ARHGEF3: variants seen among roughly 807,000 people sequenced by gnomAD.
The protein encoded by ARHGEF3 is Rho guanine nucleotide exchange factor 3, also known as 59.8 kDA protein.
Under a neutral mutation model 63.2 loss-of-function variants are expected in ARHGEF3, and 28 were observed. The ratio of observed to expected loss-of-function variants is 0.44; its 90% CI spans 0.33 to 0.61. The LOEUF (loss-of-function observed/expected upper bound fraction) is 0.61, where lower values mean the gene tolerates loss of function less well. ARHGEF3 is among the 20% of genes least tolerant of loss of function. The pLI, the probability that ARHGEF3 is intolerant of heterozygous loss-of-function variation, is 0.03. For synonymous variants in ARHGEF3, 266 were observed against 254.2 expected, an observed-to-expected ratio of 1.05 and a Z score of -0.44; for missense variants, 533 against 659.3, an observed-to-expected ratio of 0.81 and a Z score of 2.10.
chr3:56,815,540 T>C (rs995961829), intron 4 of ARHGEF3, among the ~76,000 whole-genome samples: 1 of 152,168 alleles, frequency 6.6e-6, no homozygotes, highest in East Asian at 1.9e-4. Context: ...GAAATGCATA[T>C]GCATATAGAT....
intron 2 of ARHGEF3, among the ~76,000 whole-genome samples, chr3:56,996,896 T>A (rs866238957): frequency 0.014 from 1,613 of 113,028 alleles, 9 homozygotes; most frequent in Middle Eastern, 0.023. Context: ...TATTATTTTT[T>A]TTTTTTTTTG....
intron 4 of ARHGEF3, among the ~76,000 whole-genome samples, chr3:56,857,826 C>T (rs2039937525): frequency 6.6e-6 from 1 of 152,192 alleles, no homozygotes; most frequent in East Asian, 1.9e-4. Context: ...AATCGTAGCA[C>T]ACTACAGCCT....
At chr3:56,922,232 A>G (rs1301432507) in intron 3 of ARHGEF3, among the ~76,000 whole-genome samples, 2 of 152,164 alleles carry the variant, frequency 1.3e-5, no homozygotes, top group Non-Finnish European at 2.9e-5. Flanking sequence ...CATCCAGTTT[A>G]TTTCTTAGAA....
At chr3:57,004,309 C>T (rs1702385820) in intron 2 of ARHGEF3, among the ~76,000 whole-genome samples, 4 of 152,224 alleles carry the variant, frequency 2.6e-5, no homozygotes, top group Admixed American at 1.3e-4. Context: ...AATAGATCCG[C>T]CCTGATAACG....
Position 56,902,334 on chromosome 3 carries a change from G to A in ARHGEF3, c.130-19980C>T, listed in dbSNP as rs536293937. On this transcript the variant is annotated intron_variant, in intron 3 of 12. Transcript: ENST00000338458. ...ATGAGGATCTCATGTGTGTGCGCGCGTGTGTGGATAGATGGATGGAGATAG... is the reference window on the plus strand; with the variant it reads ...ATGAGGATCTCATGTGTGTGCGCGCATGTGTGGATAGATGGATGGAGATAG... Among the ~76,000 whole-genome samples the A allele has an allele frequency of 4.6e-5, 7 of 152,196 alleles. No homozygotes were observed. In the East Asian group the frequency reaches 7.7e-4, roughly 17 times the overall value.
chr3:56,999,985 C>CTATCATATACTATCATATA (rs1702125393), intron 2 of ARHGEF3, among the ~76,000 whole-genome samples: 1 of 152,138 alleles, frequency 6.6e-6, no homozygotes, highest in African/African-American at 2.4e-5. Flanking sequence ...CTATCATATA[C>CTATCATATACTATCATATA]TAGCTGTGTG....
intron 3 of ARHGEF3, among the ~76,000 whole-genome samples, chr3:56,907,862 A>T (rs1397342662): frequency 6.6e-6 from 1 of 152,152 alleles, no homozygotes; most frequent in African/African-American, 2.4e-5. Flanking sequence ...ACTGGGGCCT[A>T]TCAGAGGGTG....
chr3:56,812,290 A>G (rs928026277), intron 4 of ARHGEF3, among the ~76,000 whole-genome samples: 1 of 152,212 alleles, frequency 6.6e-6, no homozygotes, highest in African/African-American at 2.4e-5. Context: ...CCTAATTTTA[A>G]TGTTTAGCTT....
intron 4 of ARHGEF3, among the ~76,000 whole-genome samples, chr3:56,817,410 A>G (rs2038314591): frequency 6.6e-6 from 1 of 152,204 alleles, no homozygotes; most frequent in Admixed American, 6.5e-5. Flanking sequence ...TTTTTAAACA[A>G]TTTCTAACAG....
At chr3:56,849,805 T>G (rs2039613737) in intron 4 of ARHGEF3, among the ~76,000 whole-genome samples, 1 of 152,192 alleles carries the variant, frequency 6.6e-6, no homozygotes, top group Non-Finnish European at 1.5e-5. Context: ...GTTTCTAGAA[T>G]TTAGAGAACA....
At chr3:56,894,637 T>TA (rs1380324439) in intron 3 of ARHGEF3, among the ~76,000 whole-genome samples, 1 of 152,084 alleles carries the variant, frequency 6.6e-6, no homozygotes, top group African/African-American at 2.4e-5. Context: ...CTCTCTTTTT[T>TA]AATTATAAAA....
upstream of ARHGEF3, among the ~76,000 whole-genome samples, chr3:56,803,539 C>T (rs2037753894): frequency 6.6e-6 from 1 of 152,144 alleles, no homozygotes; most frequent in Non-Finnish European, 1.5e-5. Flanking sequence ...GAGTGGCTCA[C>T]ACCTGTAATC....
At chr3:56,999,576 C>T (rs1702113377) in intron 2 of ARHGEF3, among the ~76,000 whole-genome samples, 1 of 152,164 alleles carries the variant, frequency 6.6e-6, no homozygotes, top group Admixed American at 6.5e-5. Context: ...GAGGCCAAGG[C>T]AGGAGGATTG....
intron 3 of ARHGEF3, among the ~76,000 whole-genome samples, chr3:56,946,521 G>A (rs900545633): frequency 6.6e-6 from 1 of 152,302 alleles, no homozygotes; most frequent in African/African-American, 2.4e-5. Flanking sequence ...GGAAGAAAGG[G>A]TATCAGTGAT....
chr3:56,809,363 T>C (rs1256812733), intron 4 of ARHGEF3, among the ~76,000 whole-genome samples: 1 of 152,232 alleles, frequency 6.6e-6, no homozygotes, highest in East Asian at 1.9e-4. Context: ...TCAAGTCTTA[T>C]TCTTCCCCAG....
At chr3:56,960,770 G>A (rs1372910390) in intron 2 of ARHGEF3, 3 of 152,134 alleles carry the variant, frequency 2.0e-5, no homozygotes, top group Admixed American at 6.6e-5. Flanking sequence ...ACATGTGGGT[G>A]GTTATTTATG....
chr3:56,771,748 A>G (rs182592855), intron 2 of ARHGEF3, among the ~76,000 whole-genome samples: 88 of 152,328 alleles, frequency 5.8e-4, no homozygotes, highest in Non-Finnish European at 9.4e-4. Flanking sequence ...TCCTGGGCAG[A>G]GGGTGGACTG....
intron 1 of ARHGEF3, among the ~76,000 whole-genome samples, chr3:57,078,351 A>G (rs1706307715): frequency 1.3e-5 from 2 of 152,362 alleles, no homozygotes; most frequent in African/African-American, 4.8e-5. Flanking sequence ...GTCCTCGCCC[A>G]GTGCGGGAAG....
intron 2 of ARHGEF3, chr3:57,034,944 A>T: frequency 1.6e-6 from 1 of 642,716 alleles, no homozygotes; most frequent in Non-Finnish European, 2.6e-6. Context: ...TACAGGCATG[A>T]GACACCATGC....
Sources: allele counts gnomAD v4.1 joint callset (sites outside exome capture counted in the v4.1 genomes callset), GRCh38; gene constraint gnomAD v4.1.1; transcripts MANE v1.5; gene names NCBI Gene and HGNC (gene_info 2026-07-23, HGNC 2026-07-21).